IL17B: variants seen among roughly 807,000 people sequenced by gnomAD.
IL17B encodes the protein interleukin 17B.
In IL17B, 14 loss-of-function variants were observed where a neutral mutation model predicts 14.7. The ratio of observed to expected loss-of-function variants is 0.95; its 90% CI spans 0.63 to 1.49. The LOEUF (loss-of-function observed/expected upper bound fraction) is 1.49. Among genes scored for constraint, IL17B ranks in the 40% most tolerant of loss-of-function variants. The pLI, the probability that IL17B is intolerant of heterozygous loss-of-function variation, is 0.00. For synonymous variants in IL17B, 105 were observed against 94.8 expected, an observed-to-expected ratio of 1.11 and a Z score of -0.62; for missense variants, 233 against 252.8, an observed-to-expected ratio of 0.92 and a Z score of 0.53.
intron 1 of IL17B, among the ~76,000 whole-genome samples, chr5:149,395,935 G>GAGTACTGGGATTACA: frequency 6.6e-6 from 1 of 152,180 alleles, no homozygotes; most frequent in East Asian, 1.9e-4. Flanking sequence ...GGCTTCCCCA[G>GAGTACTGGGATTACA]AGTACTGGGA....
chr5:149,392,583 A>G (rs1758992433), intron 1 of IL17B, among the ~76,000 whole-genome samples: 1 of 152,238 alleles, frequency 6.6e-6, no homozygotes, highest in Admixed American at 6.5e-5. Flanking sequence ...CTGGAAGTCT[A>G]TATAAAAATT....
At chr5:149,377,244 C>T (rs1758570557) in intron 1 of IL17B, among the ~76,000 whole-genome samples, 1 of 152,166 alleles carries the variant, frequency 6.6e-6, no homozygotes, top group African/African-American at 2.4e-5. Flanking sequence ...ACTCAGCATG[C>T]TCCTTCCTGC....
chr5:149,393,202 G>C (rs1466559501), intron 1 of IL17B, among the ~76,000 whole-genome samples: 1 of 152,170 alleles, frequency 6.6e-6, no homozygotes, highest in Non-Finnish European at 1.5e-5. Context: ...TCTGAATCCA[G>C]CCTCTGGGCT....
Position 149,398,957 on chromosome 5 carries a change from T to G in IL17B, n.95+5151A>C, listed in dbSNP as rs568852635. Among the ~76,000 whole-genome samples, 19 of 152,296 alleles carry G rather than the reference T, an allele frequency of 1.2e-4. No individual in the cohort carries two copies. In the South Asian group the frequency reaches 3.9e-3, roughly 32 times the overall value. ...CATGGCTGGGGAGGCCTCACAATCA[T>G]GGCAGAAGGTGAAAGGCACTTCTTA... On this transcript the variant is annotated intron_variant and non_coding_transcript_variant, in intron 1 of 2. Coordinates refer to the IL17B transcript ENST00000505432.
chr5:149,394,015 A>G (rs933782499), intron 1 of IL17B, among the ~76,000 whole-genome samples: 3 of 152,230 alleles, frequency 2.0e-5, no homozygotes, highest in Non-Finnish European at 2.9e-5. Flanking sequence ...AAATTCGTTA[A>G]AAGACATTTA....
At position 149,376,883 on chromosome 5, in the gene IL17B, G is replaced by C. The variant is rs759108806; in HGVS notation, c.164C>G (p.Pro55Arg). The C allele has an allele frequency of 6.2e-7, 1 of 1,614,136 alleles. No homozygotes were observed. Among genetic ancestry groups the C allele is most frequent in the East Asian group, 2.2e-5 (1 of 44,864 alleles). The part of the protein sequence containing the change: ...VPLDLVSRMK[P>R]YARMEEYERN... ...CTCATACTCCTCCATGCGGGCATAC[G>C]GTTTCATCCGTGACACCAGGTCCAG... The change falls in exon 2 of 3, where the codon CCG becomes CGG. Residue 55 changes from proline to arginine, a missense_variant. Physicochemically the swap from Pro to Arg is moderately radical, Grantham distance 103. Transcript: ENST00000261796.
chr5:149,376,872 T>C lies in IL17B; in HGVS notation c.175A>G (p.Met59Val), dbSNP rs769775703. 6.6e-5 allele frequency: 106 copies of C among 1,613,972 alleles called. No homozygotes were observed. Among genetic ancestry groups the C allele is most frequent in the Non-Finnish European group, 8.6e-5 (102 of 1,180,012 alleles). Residue 59 changes from methionine to valine, a missense_variant, in exon 2 of 3, where the codon ATG becomes GTG. By Grantham distance (21) the Met-to-Val change is conservative (BLOSUM62 1). Coordinates refer to ENST00000261796, the MANE Select transcript of IL17B (RefSeq NM_014443.3). ...LVSRMKPYAR[M>V]EEYERNIEEM... ...TCGATGTTCCTCTCATACTCCTCCA[T>C]GCGGGCATACGGTTTCATCCGTGAC...
chr5:149,396,039 T>C lies in IL17B; in HGVS notation n.95+8069A>G, dbSNP rs549157380. ...CTGAAGTTGTCGTTGTTGCCATATC[T>C]TGTGGCCAATCCACTCATCTGAATT... On this transcript the variant is annotated intron_variant and non_coding_transcript_variant, in intron 1 of 2. Transcript: ENST00000505432. Among the ~76,000 whole-genome samples, 4 of 152,372 alleles carry C rather than the reference T, an allele frequency of 2.6e-5. No homozygotes were observed. In the East Asian group the frequency reaches 7.7e-4, roughly 29 times the overall value.
upstream of IL17B, among the ~76,000 whole-genome samples, chr5:149,380,735 C>T (rs560479058): frequency 1.3e-3 from 197 of 152,318 alleles, no homozygotes; most frequent in African/African-American, 4.5e-3. Flanking sequence ...TGCTGAGGGC[C>T]GGTCTTGGCC....
At chr5:149,379,859 G>A (rs140034227), upstream of IL17B, among the ~76,000 whole-genome samples, 53 of 152,288 alleles carry the variant, frequency 3.5e-4, no homozygotes, top group African/African-American at 1.3e-3. Context: ...TGAGTTAGAG[G>A]TGTCAGAGCT....
rs751326386 is a variant in IL17B, at chr5:149,374,321, C to T, written c.*48G>A. 6.7e-7 allele frequency: 1 copy of T among 1,488,504 alleles called. No homozygotes were observed. The highest frequency in any genetic ancestry group is 9.0e-7 in the Non-Finnish European group (1 of 1,109,810). The allele number at this position is 1,488,504 out of a possible 1,614,324, so 92.2% of individuals were successfully genotyped here. The stretch of plus-strand genomic sequence containing the variant: ...ATAGGCCTTTCTTGGCACAAAGGTG[C>T]AAGGAGGATGGTCTCGGGCTGCTGG... On this transcript the variant is annotated 3_prime_UTR_variant, in exon 3 of 3. Transcript: ENST00000261796. This position sits in a 1 kb window ranked among gnomAD's most constrained non-coding sequence, Gnocchi z 5.0.
At chr5:149,391,812 C>T (rs1758974522) in intron 1 of IL17B, among the ~76,000 whole-genome samples, 1 of 152,216 alleles carries the variant, frequency 6.6e-6, no homozygotes, top group Admixed American at 6.5e-5. Flanking sequence ...ATGACTTCAC[C>T]ATTGGCTATA....
intron 2 of IL17B, chr5:149,375,258 G>A (rs1398689517): frequency 6.6e-6 from 1 of 152,218 alleles, no homozygotes; most frequent in Non-Finnish European, 1.5e-5. Flanking sequence ...AAGCAGACAA[G>A]TTCCCTCCTG....
chr5:149,395,783 G>A lies in IL17B; in HGVS notation n.95+8325C>T, dbSNP rs907792794. ...TGCCTCCCAGGTTCAAGCAATTCTC[G>A]TACCTCAGCCTCCTGAGTAGCTGGG... On this transcript the variant is annotated intron_variant and non_coding_transcript_variant, in intron 1 of 2. Transcript: ENST00000505432. Among the ~76,000 whole-genome samples the A allele has an allele frequency of 3.9e-5, 6 of 152,138 alleles. No individual in the cohort carries two copies. The East Asian group carries it at 7.7e-4, about 20-fold the overall frequency.
At chr5:149,402,116 C>T (rs547643192) in intron 1 of IL17B, among the ~76,000 whole-genome samples, 11 of 152,164 alleles carry the variant, frequency 7.2e-5, no homozygotes, top group South Asian at 2.1e-4. Flanking sequence ...AGAGGGTTCC[C>T]GTACAGGCGT....
chr5:149,393,030 CGT>C (rs1377630008), intron 1 of IL17B, among the ~76,000 whole-genome samples: 2 of 148,284 alleles, frequency 1.3e-5, no homozygotes, highest in East Asian at 2.0e-4. Flanking sequence ...TGTGTGTGGG[CGT>C]GTGTGTGCGT....
chr5:149,384,056 C>A (rs142926175), upstream of IL17B, among the ~76,000 whole-genome samples: 1 of 152,230 alleles, frequency 6.6e-6, no homozygotes, highest in Non-Finnish European at 1.5e-5. Flanking sequence ...AAAGCGGGAA[C>A]GCTTTCTAAG....
At chr5:149,389,862 C>G (rs1365655396) in intron 1 of IL17B, among the ~76,000 whole-genome samples, 1 of 152,132 alleles carries the variant, frequency 6.6e-6, no homozygotes, top group Non-Finnish European at 1.5e-5. Flanking sequence ...ATTTGTTTAA[C>G]GGTCCTGGGT....
chr5:149,377,154 C>T, intron 1 of IL17B, 129 bp from the exon 2 acceptor site: 1 of 701,648 alleles, frequency 1.4e-6, no homozygotes, highest in Non-Finnish European at 2.3e-6. Context: ...TGCCTACCAT[C>T]CCCCAGCTCT....
Sources: gnomAD v4.1 joint callset for allele counts (sites outside exome capture counted in the v4.1 genomes callset) on GRCh38, gnomAD v4.1.1 for gene constraint, Gnocchi (gnomAD v3.1) non-coding constraint, MANE v1.5 for transcripts, NCBI Gene and HGNC (gene_info 2026-07-23, HGNC 2026-07-21) for gene names.